CDIN1: variants seen among roughly 807,000 people sequenced by gnomAD.
The protein encoded by CDIN1 is CDAN1 interacting nuclease 1.
In CDIN1, 33 loss-of-function variants were observed where a neutral mutation model predicts 45.3. The observed-to-expected ratio is 0.73, with a 90% CI of 0.55 to 0.97. The LOEUF (loss-of-function observed/expected upper bound fraction) is 0.97. CDIN1 is among the 50% of genes least tolerant of loss of function. CDIN1 has a pLI of 0.00. For synonymous variants in CDIN1, 118 were observed against 124.4 expected, an observed-to-expected ratio of 0.95 and a Z score of 0.34; for missense variants, 303 against 339.4, an observed-to-expected ratio of 0.89 and a Z score of 0.84.
At chr15:36,696,037 CTTG>C (rs146174188) in intron 7 of CDIN1, among the ~76,000 whole-genome samples, 21,071 of 151,962 alleles carry the variant, frequency 0.14, 1,496 homozygotes, top group East Asian at 0.24. Flanking sequence ...TGACAGGGAT[CTTG>C]TTGTTATCTT....
intron 1 of CDIN1, among the ~76,000 whole-genome samples, chr15:36,581,961 A>G (rs1329496242): frequency 6.6e-6 from 1 of 152,228 alleles, no homozygotes; most frequent in Non-Finnish European, 1.5e-5. Flanking sequence ...GTCACCTTTC[A>G]TTATACAATA....
At chr15:36,709,617 T>A (rs2042984641) in intron 9 of CDIN1, among the ~76,000 whole-genome samples, 1 of 152,158 alleles carries the variant, frequency 6.6e-6, no homozygotes, top group Admixed American at 6.6e-5. Flanking sequence ...ATACAGGCAG[T>A]CTGAGAACTA....
intron 5 of CDIN1, among the ~76,000 whole-genome samples, chr15:36,667,908 G>T (rs1033216911): frequency 3.3e-5 from 5 of 152,218 alleles, no homozygotes; most frequent in Admixed American, 3.3e-4. Flanking sequence ...TAGATTGTAG[G>T]TAATTTCTGC....
intron 8 of CDIN1, chr15:36,707,727 G>C (rs16963901): frequency 5.3e-5 from 8 of 151,974 alleles, no homozygotes; most frequent in Non-Finnish European, 1.0e-4. Flanking sequence ...TTTTAAAACT[G>C]TTCATCAGCT....
chr15:36,707,603 A>T (rs1280603509), intron 8 of CDIN1: 1 of 152,152 alleles, frequency 6.6e-6, no homozygotes, highest in Non-Finnish European at 1.5e-5. Context: ...TTGCACTGTT[A>T]TCAGAAACGT....
intron 10 of CDIN1, among the ~76,000 whole-genome samples, chr15:36,724,012 T>A (rs1359807054): frequency 5.3e-5 from 8 of 152,224 alleles, no homozygotes; most frequent in Non-Finnish European, 1.5e-5. Context: ...TTTTCCACTC[T>A]AATCCACATA....
intron 1 of CDIN1, among the ~76,000 whole-genome samples, chr15:36,616,808 C>G (rs903161160): frequency 6.6e-6 from 1 of 151,780 alleles, no homozygotes; most frequent in Non-Finnish European, 1.5e-5. Context: ...GCCTGTAATC[C>G]CAGCTACTCA....
In CDIN1 at chr15:36,608,429, G is replaced by T. The variant is rs368324013; in HGVS notation, c.101+28468G>T. ...TATTTCCTCAGTGACTAATGATGTT[G>T]GGAATCTTTTTATGTGTTTATTGGC... On this transcript the variant is annotated intron_variant, in intron 1 of 10. Coordinates refer to ENST00000566621, the MANE Select transcript of CDIN1 (RefSeq NM_001321759.2). 5.9e-5 allele frequency among the ~76,000 whole-genome samples: 9 copies of T among 152,048 alleles called. No homozygotes were observed. The East Asian group carries it at 7.7e-4, about 13-fold the overall frequency.
At chr15:36,713,574 G>T (rs1231143386) in intron 10 of CDIN1, among the ~76,000 whole-genome samples, 1 of 152,092 alleles carries the variant, frequency 6.6e-6, no homozygotes, top group Admixed American at 6.5e-5. Context: ...CAATAAAATG[G>T]ACTGAGTAAA....
intron 8 of CDIN1, chr15:36,702,193 C>G: frequency 1.4e-6 from 1 of 697,152 alleles, no homozygotes; most frequent in Non-Finnish European, 2.6e-6. Context: ...CTTGTCTATC[C>G]GAAGGTTAAA....
intron 10 of CDIN1, chr15:36,799,957 C>G (rs1363812271): frequency 6.6e-6 from 1 of 152,040 alleles, no homozygotes; most frequent in African/African-American, 2.4e-5. Flanking sequence ...CTATCTATAT[C>G]CAATATAGAA....
intron 7 of CDIN1, among the ~76,000 whole-genome samples, chr15:36,694,407 G>A (rs2042353363): frequency 6.6e-6 from 1 of 152,174 alleles, no homozygotes; most frequent in South Asian, 2.1e-4. Context: ...ATCATGATGT[G>A]AGAAAGAAAG....
chr15:36,601,244 G>A (rs1488888385), intron 1 of CDIN1, among the ~76,000 whole-genome samples: 2 of 152,132 alleles, frequency 1.3e-5, no homozygotes, highest in Non-Finnish European at 2.9e-5. Flanking sequence ...CCTTCAGCAC[G>A]GGGTAACTTG....
At chr15:36,580,548 G>A (rs116197690) in intron 1 of CDIN1, among the ~76,000 whole-genome samples, 93 of 152,286 alleles carry the variant, frequency 6.1e-4, no homozygotes, top group African/African-American at 2.2e-3. Context: ...CTCCATATAT[G>A]TTATGCATAC....
intron 10 of CDIN1, among the ~76,000 whole-genome samples, chr15:36,736,438 C>A (rs1211955387): frequency 6.6e-6 from 1 of 152,184 alleles, no homozygotes; most frequent in Non-Finnish European, 1.5e-5. Flanking sequence ...AATGGAAGAA[C>A]TTGACATTCT....
rs765610711 is a variant in CDIN1, at chr15:36,692,173, G to T, written c.474G>T (p.Lys158Asn). 1 of 1,613,554 alleles carries T rather than the reference G, an allele frequency of 6.2e-7. No individual in the cohort carries two copies. Among genetic ancestry groups the T allele is most frequent in the Non-Finnish European group, 8.5e-7 (1 of 1,179,732 alleles). ...ACGGACCACTAGTGGACTGCATCAA[G>T]CAGTATCCTTTCCCATAAAATTTTA... Reference protein sequence around the residue: ...CCYGPLVDCIKHAIGHEHEVL... With the variant: ...CCYGPLVDCINHAIGHEHEVL... Residue 158 changes from lysine to asparagine, a missense_variant and splice_region_variant, in exon 7 of 11, where the codon AAG becomes AAT. Physicochemically the swap from Lys to Asn is moderately conservative, Grantham distance 94. Coordinates refer to ENST00000566621, the MANE Select transcript of CDIN1 (RefSeq NM_001321759.2).
rs1416499762 is a variant in CDIN1 at position 36,800,907 on chromosome 15, GTGTATA to G, written c.717-7415_717-7410del. Among the ~76,000 whole-genome samples, 61 of 31,618 alleles carry G rather than the reference GTGTATA, an allele frequency of 1.9e-3. 2 individuals are homozygous for G. The highest frequency in any genetic ancestry group is 5.3e-3 in the East Asian group (4 of 752). 20.7% of individuals were successfully genotyped at this position (31,618 alleles called of 152,430 possible). A position where few individuals can be genotyped will look rare whatever the true frequency, so the allele number is the denominator to read the frequency against. ...TGTGTGTGTGTGTGTGTGTGTGTGT[GTGTATA>G]TATATATATATATATATATATATAT... is the stretch of plus-strand genomic sequence containing the variant. On this transcript the variant is annotated intron_variant, in intron 10 of 10. Transcript: ENST00000566621.
intron 8 of CDIN1, chr15:36,705,241 G>A (rs193043083): frequency 6.6e-6 from 1 of 152,100 alleles, no homozygotes; most frequent in Non-Finnish European, 1.5e-5. Flanking sequence ...AAGATAAATT[G>A]GAGAGAGGAC....
intron 7 of CDIN1, among the ~76,000 whole-genome samples, chr15:36,692,624 T>C (rs994187782): frequency 1.3e-5 from 2 of 152,234 alleles, no homozygotes; most frequent in African/African-American, 4.8e-5. Context: ...AGACATCACA[T>C]TTTAAAGGCA....
Sources: gnomAD v4.1 joint callset for allele counts (sites outside exome capture counted in the v4.1 genomes callset) on GRCh38, gnomAD v4.1.1 for gene constraint, MANE v1.5 for transcripts, NCBI Gene and HGNC (gene_info 2026-07-23, HGNC 2026-07-21) for gene names.